Variants in APOL2 observed in about 807,000 individuals in gnomAD.
The protein encoded by APOL2 is apolipoprotein L2.
In APOL2, 8 loss-of-function variants were observed where a neutral mutation model predicts 7.1. The ratio of observed to expected loss-of-function variants is 1.12; its 90% CI spans 0.66 to 2.03. The LOEUF (loss-of-function observed/expected upper bound fraction) is 2.03. Among genes scored for constraint, APOL2 ranks in the 30% most tolerant of loss-of-function variants. The pLI is 0.00. For synonymous variants in APOL2, 177 were observed against 159.9 expected, an observed-to-expected ratio of 1.11 and a Z score of -0.81; for missense variants, 471 against 415.1, an observed-to-expected ratio of 1.13 and a Z score of -1.17.
intron 1 of APOL2, chr22:36,239,131 C>A (rs1406141963): frequency 8.3e-7 from 1 of 1,207,846 alleles, no homozygotes; most frequent in Non-Finnish European, 1.0e-6. Context: ...ACCCCCAACA[C>A]CTACCTTTCT....
Position 36,228,191 on chromosome 22 carries a change from T to C in APOL2, c.227A>G (p.Gln76Arg). ...CTCTTTCAAAAACCACTGCCTGTGCTGCTGGTCTTTATCGTGGCGGTTTTT... is the reference window on the plus strand; with the variant it reads ...CTCTTTCAAAAACCACTGCCTGTGCCGCTGGTCTTTATCGTGGCGGTTTTT... Reference protein sequence around the residue: ...KDKNRHDKDQQHRQWFLKEFP... With the variant: ...KDKNRHDKDQRHRQWFLKEFP... The change falls in exon 5 of 5, where the codon CAG becomes CGG. Residue 76 changes from glutamine (Q) to arginine (R), a missense_variant. Coordinates refer to ENST00000358502, the MANE Select transcript of APOL2 (RefSeq NM_030882.4). The C allele has an allele frequency of 6.2e-7, 1 of 1,614,232 alleles. No individual in the cohort carries two copies. The highest frequency in any genetic ancestry group is 8.5e-7 in the Non-Finnish European group (1 of 1,180,032).
chr22:36,232,836 C>A (rs1359580485), intron 3 of APOL2, among the ~76,000 whole-genome samples: 3 of 152,016 alleles, frequency 2.0e-5, no homozygotes, highest in South Asian at 4.2e-4. Flanking sequence ...CCTCCTGGAC[C>A]CTGCTCTTCC....
chr22:36,236,632 C>CA (rs1225326687), intron 1 of APOL2: 1 of 985,310 alleles, frequency 1.0e-6, no homozygotes, highest in Non-Finnish European at 1.2e-6. Flanking sequence ...CACCCACTTC[C>CA]AGCAGCTGGT....
At chr22:36,228,611 A>G (rs1334864372) in intron 4 of APOL2, among the ~76,000 whole-genome samples, 2 of 152,196 alleles carry the variant, frequency 1.3e-5, no homozygotes, top group Non-Finnish European at 2.9e-5. Flanking sequence ...TCTGCAGATG[A>G]ACAAAGAGCA....
At position 36,227,361 on chromosome 22, in the gene APOL2, C is replaced by A; in HGVS notation, c.*43G>T. ...AAAAAAGTCTGCATTTTGTCCTGGC[C>A]TGTGCCCGGCATTTCTGCCCTGGTG... is the stretch of plus-strand genomic sequence containing the variant. On this transcript the variant is annotated 3_prime_UTR_variant, in exon 5 of 5. Transcript: ENST00000358502. 1.3e-6 allele frequency: 2 copies of A among 1,516,688 alleles called. No individual in the cohort carries two copies. Among genetic ancestry groups the A allele is most frequent in the Non-Finnish European group, 1.8e-6 (2 of 1,127,240 alleles). 94.0% of individuals were successfully genotyped at this position (1,516,688 alleles called of 1,614,324 possible).
rs2015038031 is a variant in APOL2, at chr22:36,227,354, TCCTGGCCTGTGCCCGGCATTTCTGC to T, written c.*25_*49del. ...AAAAAAAAAAAAAGTCTGCATTTTG[TCCTGGCCTGTGCCCGGCATTTCTGC>T]CCTGGTGGCTGCACTGCTCTGGGGT... On this transcript the variant is annotated 3_prime_UTR_variant, in exon 5 of 5. Transcript: ENST00000358502. 3 of 1,435,824 alleles carry T rather than the reference TCCTGGCCTGTGCCCGGCATTTCTGC, an allele frequency of 2.1e-6. No homozygotes were observed. The highest frequency in any genetic ancestry group is 1.9e-6 in the Non-Finnish European group (2 of 1,061,882). 88.9% of individuals were successfully genotyped at this position (1,435,824 alleles called of 1,614,324 possible). A position where few individuals can be genotyped will look rare whatever the true frequency, so the allele number is the denominator to read the frequency against.
At chr22:36,233,478 T>A in intron 1 of APOL2, 23 bp from the exon 2 acceptor site, 1 of 1,546,510 alleles carries the variant, frequency 6.5e-7, no homozygotes, top group Non-Finnish European at 8.7e-7. Context: ...GAGAAGAAGA[T>A]AATCAGAGGA....
chr22:36,229,231 C>T (rs1218913026), intron 4 of APOL2, among the ~76,000 whole-genome samples: 1 of 152,154 alleles, frequency 6.6e-6, no homozygotes, highest in Non-Finnish European at 1.5e-5. Flanking sequence ...TCCTGTTAGG[C>T]CAGTTTAGCA....
intron 3 of APOL2, among the ~76,000 whole-genome samples, chr22:36,232,860 C>T (rs1364011708): frequency 6.6e-6 from 1 of 151,962 alleles, no homozygotes; most frequent in African/African-American, 2.4e-5. Flanking sequence ...ACTCCCCTCT[C>T]TTGCTTGTTC....
rs1387978882 is a variant in APOL2 at position 36,228,039 on chromosome 22, A to T, written c.379T>A (p.Ser127Thr). ...AGGCCGAGGAGGGTCAGGATGCCAG[A>T]GGTAGTGCCAACAGAGTTGGACACC... ...NVVSNSVGTT[S>T]GILTLLGLGL... Residue 127 changes from serine (S) to threonine (T), a missense_variant, in exon 5 of 5, where the codon TCT becomes ACT. Physicochemically the swap from Ser to Thr is moderately conservative, Grantham distance 58. Coordinates refer to ENST00000358502, the MANE Select transcript of APOL2 (RefSeq NM_030882.4). 6.2e-7 allele frequency: 1 copy of T among 1,614,230 alleles called. No homozygotes were observed. The highest frequency in any genetic ancestry group is 1.7e-5 in the Admixed American group (1 of 60,028).
chr22:36,227,426 A>G lies in APOL2; in HGVS notation c.992T>C (p.Leu331Pro). Residue 331 changes from leucine (L) to proline (P), a missense_variant, in exon 5 of 5, where the codon CTG becomes CCG. Physicochemically the swap from Leu to Pro is moderately conservative, Grantham distance 98. Coordinates refer to ENST00000358502, the MANE Select transcript of APOL2 (RefSeq NM_030882.4). ...LNFLTKIHEM[L>P]QPGQDQ ...GGGTCATTGGTCTTGGCCTGGCTGC[A>G]GCATCTCATGGATCTTGGTGAGAAA... is the stretch of plus-strand genomic sequence containing the variant. The G allele has an allele frequency of 1.2e-6, 2 of 1,608,550 alleles. No homozygotes were observed. Among genetic ancestry groups the G allele is most frequent in the Non-Finnish European group, 8.5e-7 (1 of 1,177,050 alleles).
At chr22:36,233,000 G>A (rs1180400184) in intron 3 of APOL2, among the ~76,000 whole-genome samples, 153 bp downstream of exon 3, 4 of 152,174 alleles carry the variant, frequency 2.6e-5, no homozygotes, top group Non-Finnish European at 4.4e-5. Context: ...CCCCTGGGTC[G>A]GGGGACTCCA....
Position 36,233,431 on chromosome 22 carries a change from C to T in APOL2, c.-109G>A. 1.3e-6 allele frequency: 2 copies of T among 1,550,982 alleles called. No homozygotes were observed. Among genetic ancestry groups the T allele is most frequent in the Non-Finnish European group, 1.7e-6 (2 of 1,147,672 alleles). ...TTCCAGCTTCCTCTTCCCTCACTCTCACACCAAGGCAGGGTCCTCTTGTCC... is the reference window on the plus strand; with the variant it reads ...TTCCAGCTTCCTCTTCCCTCACTCTTACACCAAGGCAGGGTCCTCTTGTCC... On this transcript the variant is annotated 5_prime_UTR_variant, in exon 2 of 5. Coordinates refer to ENST00000358502, the MANE Select transcript of APOL2 (RefSeq NM_030882.4).
At chr22:36,236,609 G>A (rs993172741) in intron 1 of APOL2, 37 of 985,230 alleles carry the variant, frequency 3.8e-5, no homozygotes, top group South Asian at 4.7e-5. Context: ...GTGTCTCTGC[G>A]CACTCCCCGG....
At chr22:36,239,203 T>G in intron 1 of APOL2, 1 of 1,298,560 alleles carries the variant, frequency 7.7e-7, no homozygotes, top group Non-Finnish European at 9.8e-7. Flanking sequence ...GGGAGCTTTG[T>G]GAACCCATCT....
upstream of APOL2, chr22:36,239,575 G>C: frequency 6.7e-7 from 1 of 1,492,676 alleles, no homozygotes; most frequent in Non-Finnish European, 9.1e-7. Context: ...GAATTCGAAA[G>C]GGAAAGTGAA....
At position 36,233,201 on chromosome 22, in the gene APOL2, G is replaced by A; in HGVS notation, c.-39C>T. 6.2e-7 allele frequency: 1 copy of A among 1,614,078 alleles called. No individual in the cohort carries two copies. The highest frequency in any genetic ancestry group is 1.7e-5 in the Admixed American group (1 of 60,024). On this transcript the variant is annotated 5_prime_UTR_variant, in exon 3 of 5. Coordinates refer to ENST00000358502, the MANE Select transcript of APOL2 (RefSeq NM_030882.4). Reference sequence around the variant, plus strand: ...GGGTTACCGAGGGGCTTTCCTTGGAGCTCTCCAGTCACTGTCCAGACTGGA... The same window carrying A: ...GGGTTACCGAGGGGCTTTCCTTGGAACTCTCCAGTCACTGTCCAGACTGGA...
chr22:36,237,172 C>G, intron 1 of APOL2: 1 of 1,504,680 alleles, frequency 6.6e-7, no homozygotes, highest in Non-Finnish European at 8.9e-7. Flanking sequence ...CTGGATACTG[C>G]CCCTCAGGCT....
In APOL2 at chr22:36,236,531, A is replaced by C. The variant is rs946512743; in HGVS notation, c.-134+2910T>G. 4.1e-6 allele frequency: 4 copies of C among 978,028 alleles called. No individual in the cohort carries two copies. The African/African-American group carries it at 7.0e-5, about 17-fold the overall frequency. The allele number at this position is 978,028 out of a possible 1,614,324, so 60.6% of individuals were successfully genotyped here. On this transcript the variant is annotated intron_variant, in intron 1 of 4. Transcript: ENST00000358502. ...AATAATGACACTATAAGTAATAATGATAATACCGATTCAGGCCCATCCCAG... is the reference window on the plus strand; with the variant it reads ...AATAATGACACTATAAGTAATAATGCTAATACCGATTCAGGCCCATCCCAG...
Sources: allele counts gnomAD v4.1 joint callset (sites outside exome capture counted in the v4.1 genomes callset), GRCh38; gene constraint gnomAD v4.1.1; transcripts MANE v1.5; gene names NCBI Gene and HGNC (gene_info 2026-07-23, HGNC 2026-07-21).